The following ANK2 variants were observed in gnomAD, a reference collection of about 807,000 sequenced individuals.
ANK2 encodes ankyrin-2.
A neutral mutation model predicts 360.5 loss-of-function variants in ANK2; 83 were observed. The observed-to-expected ratio is 0.23, with a 90% CI of 0.19 to 0.28. The LOEUF (loss-of-function observed/expected upper bound fraction) is 0.28. ANK2 is among the 10% of genes least tolerant of loss of function. The pLI is 1.00. For missense variants in ANK2, 4,201 were observed against 4,795.7 expected (o/e 0.88, Z 3.66); for synonymous variants, 1,740 against 1,759.5 (o/e 0.99, Z 0.28).
At chr4:112,872,026 A>ATTT (rs752922331) in intron 1 of ANK2, among the ~76,000 whole-genome samples, 1 of 121,638 alleles carries the variant, frequency 8.2e-6, no homozygotes, top group Non-Finnish European at 1.8e-5. Context: ...TTGCATCTGT[A>ATTT]TTTTTTTTTT....
At chr4:113,217,288 C>T (rs2099095500) in intron 4 of ANK2, 1 of 152,050 alleles carries the variant, frequency 6.6e-6, no homozygotes, top group South Asian at 2.1e-4. Context: ...ATTATTGTAC[C>T]TCGTTCATTC....
chr4:113,085,805 C>A (rs546145029), intron 1 of ANK2, among the ~76,000 whole-genome samples: 1 of 152,134 alleles, frequency 6.6e-6, no homozygotes, highest in African/African-American at 2.4e-5. Flanking sequence ...GAAGGGGGAA[C>A]TTTCCTTCAG....
chr4:113,330,309 G>T lies in ANK2; in HGVS notation c.2964G>T (p.Gly988=), dbSNP rs779092487. 94 of 1,614,082 alleles carry T rather than the reference G, an allele frequency of 5.8e-5. No individual in the cohort carries two copies. Among genetic ancestry groups the T allele is most frequent in the Non-Finnish European group, 7.7e-5 (91 of 1,180,050 alleles). ...CTATGCGAGGATGCAGACACAATGGGCTCCGAATCATTATTCCACCTCGGA... is the reference window on the plus strand; with the variant it reads ...CTATGCGAGGATGCAGACACAATGGTCTCCGAATCATTATTCCACCTCGGA... ...GGAMRGCRHN[G]LRIIIPPRKC... Residue 988 remains glycine (G), a synonymous_variant, in exon 27 of 46, where the codon GGG becomes GGT. Transcript: ENST00000357077.
the ANK2 span, among the ~76,000 whole-genome samples, chr4:112,777,096 T>G: frequency 1.3e-5 from 2 of 152,304 alleles, no homozygotes; most frequent in South Asian, 4.1e-4. Context: ...GCATAATATA[T>G]TCTTCTTAAT....
chr4:112,824,911 T>C (rs1278017786), intron 1 of ANK2, among the ~76,000 whole-genome samples: 1 of 151,272 alleles, frequency 6.6e-6, no homozygotes, highest in Non-Finnish European at 1.5e-5. Context: ...TAAGATGATT[T>C]GGTAAAAAAA....
At chr4:113,221,658 C>CAAAAA (rs60808406) in intron 4 of ANK2, among the ~76,000 whole-genome samples, 3,747 of 127,748 alleles carry the variant, frequency 0.029, 81 homozygotes, top group East Asian at 0.071. Context: ...GACTCCACTT[C>CAAAAA]AAAAAAAAAA....
At chr4:113,169,515 A>G (rs984696570) in intron 1 of ANK2, among the ~76,000 whole-genome samples, 6 of 152,194 alleles carry the variant, frequency 3.9e-5, no homozygotes, top group African/African-American at 1.2e-4. Flanking sequence ...GATTCCTCAA[A>G]TTCCACAAGG....
At chr4:113,251,140 C>T (rs2046120925) in intron 10 of ANK2, among the ~76,000 whole-genome samples, 1 of 152,092 alleles carries the variant, frequency 6.6e-6, no homozygotes, top group African/African-American at 2.4e-5. Context: ...AACAAAATTT[C>T]AGACCAATCA....
intron 14 of ANK2, among the ~76,000 whole-genome samples, chr4:113,265,721 A>C (rs931920873): frequency 6.6e-6 from 1 of 152,184 alleles, no homozygotes; most frequent in Admixed American, 6.5e-5. Flanking sequence ...CACTATCAAT[A>C]TACTGTACCT....
chr4:113,269,059 G>A (rs2057411225), intron 14 of ANK2, among the ~76,000 whole-genome samples: 1 of 152,154 alleles, frequency 6.6e-6, no homozygotes, highest in African/African-American at 2.4e-5. Flanking sequence ...TTCTCTGATG[G>A]TAGTTTGAAT....
intron 35 of ANK2, 34 bp from the exon 36 acceptor site, chr4:113,348,239 CTTT>C: frequency 1.2e-6 from 2 of 1,608,858 alleles, no homozygotes; most frequent in Non-Finnish European, 1.7e-6. Context: ...TTCCTTCTCT[CTTT>C]TTTCCATCTT....
In ANK2 at chr4:112,826,622, G is replaced by C. The variant is rs560116938; in HGVS notation, c.-40+8358G>C. 1.6e-4 allele frequency: 197 copies of C among 1,244,974 alleles called. No individual in the cohort carries two copies. The African/African-American group carries it at 2.8e-3, about 18-fold the overall frequency. 77.1% of individuals were successfully genotyped at this position (1,244,974 alleles called of 1,614,324 possible). A position where few individuals can be genotyped will look rare whatever the true frequency, so the allele number is the denominator to read the frequency against. ...AAGTCAAGCAACTAGTAGTTCAGCA[G>C]GCTTCAGGAGGCAGTGAAAAACGGG... On this transcript the variant is annotated intron_variant, in intron 1 of 30. Coordinates refer to the ANK2 transcript ENST00000503271.
At position 113,355,855 on chromosome 4, in the gene ANK2, C is replaced by T; in HGVS notation, c.7237C>T (p.Leu2413Phe). The T allele has an allele frequency of 6.2e-7, 1 of 1,614,088 alleles. No individual in the cohort carries two copies. The highest frequency in any genetic ancestry group is 8.5e-7 in the Non-Finnish European group (1 of 1,179,966). The change falls in exon 38 of 46, where the codon CTC becomes TTC. Residue 2413 changes from leucine to phenylalanine, a missense_variant. Around this residue, in one of 4 missense-constraint regions of ANK2, gnomAD observed 2,642 missense variants for 2,714.5 expected, o/e 0.97. Transcript: ENST00000357077. ...IRSPQGLELA[L>F]PSRDSEVLSA... The stretch of plus-strand genomic sequence containing the variant: ...AAGTCCCCAAGGGTTAGAACTTGCA[C>T]TCCCTAGCCGAGATAGCGAAGTCCT...
chr4:113,146,075 C>T, intron 1 of ANK2: 2 of 1,271,284 alleles, frequency 1.6e-6, no homozygotes, highest in South Asian at 2.5e-5. Flanking sequence ...CCTCATTGGT[C>T]AGACCTCTAA....
intron 17 of ANK2, among the ~76,000 whole-genome samples, chr4:113,279,117 A>T (rs1312103304): frequency 6.6e-6 from 1 of 152,138 alleles, no homozygotes; most frequent in Non-Finnish European, 1.5e-5. Context: ...ACTTACGGAC[A>T]GGGCATTTCC....
intron 10 of ANK2, among the ~76,000 whole-genome samples, chr4:113,252,069 T>A (rs2046752511): frequency 6.6e-6 from 1 of 152,128 alleles, no homozygotes; most frequent in South Asian, 2.1e-4. Context: ...CAGTTCCACC[T>A]GAGGAGGAAC....
chr4:113,101,793 G>C (rs78284924), intron 1 of ANK2, among the ~76,000 whole-genome samples: 4,897 of 152,180 alleles, frequency 0.032, 193 homozygotes, highest in East Asian at 0.11. Context: ...GCTTGAGTTG[G>C]GAATGCATTA....
rs565998055 is a variant in ANK2 at position 112,941,261 on chromosome 4, T to C, written c.21+36747T>C. Among the ~76,000 whole-genome samples, 9 of 148,756 alleles carry C rather than the reference T, an allele frequency of 6.1e-5. No individual in the cohort carries two copies. The East Asian group carries it at 1.4e-3, about 23-fold the overall frequency. On this transcript the variant is annotated intron_variant, in intron 2 of 30. Coordinates refer to the ANK2 transcript ENST00000503271. ...GATTTATATATCTTTTCATAAAAGA[T>C]ACAGAAAAGATATATAGGTATATAT...
At chr4:112,714,929 A>G in the ANK2 span, among the ~76,000 whole-genome samples, 1 of 152,228 alleles carries the variant, frequency 6.6e-6, no homozygotes, top group African/African-American at 2.4e-5. Flanking sequence ...AATAGTTTCA[A>G]TTATCAATTG....
Sources: gnomAD v4.1 joint callset for allele counts (sites outside exome capture counted in the v4.1 genomes callset) on GRCh38, gnomAD v4.1.1 for gene constraint, gnomAD v4.1.1 regional missense constraint, MANE v1.5 for transcripts, NCBI Gene and HGNC (gene_info 2026-07-23, HGNC 2026-07-21) for gene names.